The following CDH18 variants were observed in gnomAD, a reference collection of about 807,000 sequenced individuals.
CDH18 encodes cadherin-18.
Under a neutral mutation model 67.9 loss-of-function variants are expected in CDH18, and 31 were observed. The ratio of observed to expected loss-of-function variants is 0.46; its 90% CI spans 0.34 to 0.62. The LOEUF (loss-of-function observed/expected upper bound fraction) is 0.62, where lower values mean the gene tolerates loss of function less well. CDH18 is among the 20% of genes least tolerant of loss of function. CDH18 has a pLI of 0.01. For synonymous variants in CDH18, 362 were observed against 347.2 expected (o/e 1.04, Z -0.48); for missense variants, 890 against 975.5 (o/e 0.91, Z 1.17).
chr5:19,592,656 T>A (rs1580381202), intron 6 of CDH18, among the ~76,000 whole-genome samples: 1 of 152,140 alleles, frequency 6.6e-6, no homozygotes, highest in African/African-American at 2.4e-5. Flanking sequence ...GTTGAAAATA[T>A]CATTTTTTAT....
At position 19,473,448 on chromosome 5, in the gene CDH18, C is replaced by T. The variant is rs1481325327; in HGVS notation, c.2151G>A (p.Lys717=). The T allele has an allele frequency of 1.9e-6, 3 of 1,613,834 alleles. No homozygotes were observed. The highest frequency in any genetic ancestry group is 1.7e-6 in the Non-Finnish European group (2 of 1,179,894). The stretch of plus-strand genomic sequence containing the variant: ...CTAGGTCTGCTTCTGCCAGTCTTTG[C>T]TTAATAAATTCCTGAACATCTATGC... ...LESIDVQEFI[K]QRLAEADLDP... Residue 717 remains lysine, a synonymous_variant, in exon 13 of 13, where the codon AAG becomes AAA. Coordinates refer to ENST00000382275, the MANE Select transcript of CDH18 (RefSeq NM_004934.5).
intron 2 of CDH18, among the ~76,000 whole-genome samples, chr5:20,092,529 A>T (rs1387758649): frequency 2.0e-5 from 3 of 152,196 alleles, no homozygotes; most frequent in Non-Finnish European, 4.4e-5. Flanking sequence ...GCACTTAATA[A>T]ATTAATTCAC....
At chr5:19,841,571 CA>C (rs35296920) in intron 2 of CDH18, among the ~76,000 whole-genome samples, 1,602 of 136,988 alleles carry the variant, frequency 0.012, 24 homozygotes, top group African/African-American at 0.038. Context: ...TCATGAATTT[CA>C]AAAAAAAAAA....
At chr5:20,155,036 T>C (rs993060996) in intron 2 of CDH18, among the ~76,000 whole-genome samples, 1 of 152,172 alleles carries the variant, frequency 6.6e-6, no homozygotes, top group Non-Finnish European at 1.5e-5. Context: ...TAAACAGACC[T>C]TGCAAATGGA....
chr5:19,619,232 C>T (rs954688444), intron 5 of CDH18, among the ~76,000 whole-genome samples: 5 of 152,148 alleles, frequency 3.3e-5, no homozygotes, highest in African/African-American at 4.8e-5. Flanking sequence ...TGTGTTTCTA[C>T]TCTGTATAAA....
intron 3 of CDH18, among the ~76,000 whole-genome samples, chr5:19,829,626 G>A (rs569932626): frequency 6.6e-5 from 10 of 152,036 alleles, no homozygotes; most frequent in Non-Finnish European, 1.3e-4. Flanking sequence ...TTGTTAAAAC[G>A]GCCATACTGC....
chr5:20,552,012 T>C (rs1296192303), intron 1 of CDH18, among the ~76,000 whole-genome samples: 2 of 152,000 alleles, frequency 1.3e-5, no homozygotes, highest in Non-Finnish European at 2.9e-5. Context: ...AAAATTATAG[T>C]TGGAGAAGAA....
chr5:20,457,476 AG>A (rs879767800), intron 1 of CDH18, among the ~76,000 whole-genome samples: 1 of 152,176 alleles, frequency 6.6e-6, no homozygotes, highest in Non-Finnish European at 1.5e-5. Flanking sequence ...ATGGACAAAA[AG>A]TAACTAAGTA....
intron 2 of CDH18, among the ~76,000 whole-genome samples, chr5:20,139,291 C>T (rs2126515945): frequency 6.6e-6 from 1 of 152,232 alleles, no homozygotes; most frequent in South Asian, 2.1e-4. Flanking sequence ...GGATCCGTTC[C>T]TTACACCTTA....
chr5:19,844,012 T>C (rs978589630), intron 2 of CDH18, among the ~76,000 whole-genome samples: 2 of 152,208 alleles, frequency 1.3e-5, no homozygotes, highest in African/African-American at 4.8e-5. Flanking sequence ...CCATTGTATC[T>C]ATGAAAGAAC....
At chr5:20,385,320 T>G (rs1744228262) in intron 1 of CDH18, among the ~76,000 whole-genome samples, 1 of 152,188 alleles carries the variant, frequency 6.6e-6, no homozygotes, top group Admixed American at 6.6e-5. Flanking sequence ...AGCACCCTTT[T>G]GAAAATCTCC....
At chr5:19,844,286 G>A (rs1214925565) in intron 2 of CDH18, among the ~76,000 whole-genome samples, 2 of 152,030 alleles carry the variant, frequency 1.3e-5, no homozygotes, top group African/African-American at 4.8e-5. Context: ...TTTGGGGGAG[G>A]GACCTCATAG....
intron 5 of CDH18, among the ~76,000 whole-genome samples, chr5:19,700,591 CTT>C (rs773414658): frequency 6.6e-6 from 1 of 152,182 alleles, no homozygotes; most frequent in Non-Finnish European, 1.5e-5. Flanking sequence ...AAAGCACTCT[CTT>C]TTAATGTGTG....
chr5:20,382,231 A>T (rs568951705), intron 1 of CDH18, among the ~76,000 whole-genome samples: 8 of 152,310 alleles, frequency 5.3e-5, no homozygotes, highest in African/African-American at 1.9e-4. Flanking sequence ...GTGAGACAAT[A>T]CCTTCTGTAA....
chr5:20,402,464 G>A (rs377741427), intron 1 of CDH18, among the ~76,000 whole-genome samples: 22 of 152,252 alleles, frequency 1.4e-4, no homozygotes, highest in South Asian at 6.2e-4. Flanking sequence ...AAAAATGTAC[G>A]CAAGGACATC....
chr5:19,620,444 G>T (rs1561484144), intron 5 of CDH18, among the ~76,000 whole-genome samples: 1 of 152,168 alleles, frequency 6.6e-6, no homozygotes, highest in African/African-American at 2.4e-5. Flanking sequence ...TCATGCCACA[G>T]TGGCATTAGC....
At chr5:19,558,837 C>T (rs1022995697) in intron 8 of CDH18, among the ~76,000 whole-genome samples, 8 of 151,736 alleles carry the variant, frequency 5.3e-5, no homozygotes, top group Admixed American at 3.9e-4. Flanking sequence ...CAAAAGGGGA[C>T]ATAACAAAAA....
chr5:19,783,305 T>C (rs1483931603), intron 3 of CDH18, among the ~76,000 whole-genome samples: 1 of 152,162 alleles, frequency 6.6e-6, no homozygotes, highest in Non-Finnish European at 1.5e-5. Context: ...ATAAGAAGTC[T>C]CTTAACCTCT....
chr5:20,519,358 A>G (rs544404124), intron 1 of CDH18, among the ~76,000 whole-genome samples: 1 of 152,218 alleles, frequency 6.6e-6, no homozygotes, highest in African/African-American at 2.4e-5. Flanking sequence ...TTCTCAGCAA[A>G]CTATCGCAAG....
Sources: allele counts gnomAD v4.1 joint callset (sites outside exome capture counted in the v4.1 genomes callset), GRCh38; gene constraint gnomAD v4.1.1; transcripts MANE v1.5; gene names NCBI Gene and HGNC (gene_info 2026-07-23, HGNC 2026-07-21).